Variants in MYH2 observed in about 807,000 individuals in gnomAD.
MYH2 encodes myosin heavy chain 2.
In MYH2, 139 loss-of-function variants were observed where a neutral mutation model predicts 228.1. The ratio of observed to expected loss-of-function variants is 0.61; its 90% CI spans 0.53 to 0.70. The LOEUF is 0.70. Among genes scored for constraint, MYH2 ranks in the 30% least tolerant of loss-of-function variants. MYH2 has a pLI of 0.00. For synonymous variants in MYH2, 796 were observed against 871.1 expected, an observed-to-expected ratio of 0.91 and a Z score of 1.52; for missense variants, 1,809 against 2,357.5, an observed-to-expected ratio of 0.77 and a Z score of 4.82.
In MYH2 at chr17:10,540,039, T is replaced by A; in HGVS notation, c.1036A>T (p.Asn346Tyr). 6.2e-7 allele frequency: 1 copy of A among 1,613,996 alleles called. No individual in the cohort carries two copies. Among genetic ancestry groups the A allele is most frequent in the Non-Finnish European group, 8.5e-7 (1 of 1,179,980 alleles). Residue 346 changes from asparagine (N) to tyrosine (Y), a missense_variant, in exon 12 of 40, where the codon AAT (asparagine) becomes TAT (tyrosine). Asn to Tyr is a moderately radical substitution (Grantham distance 143). This residue lies in a region of MYH2 where 373 missense variants were observed against 620.4 expected (regional missense o/e 0.60). Coordinates refer to ENST00000245503, the MANE Select transcript of MYH2 (RefSeq NM_017534.6). ...DSAIDILGFT[N>Y]EEKVSIYKLT... ...TTGTAAATGGAGACCTTTTCTTCAT[T>A]AGTAAAGCCCAAAATATCAATAGCA...
At chr17:10,543,488 AT>A (rs1432083500) in intron 8 of MYH2, among the ~76,000 whole-genome samples, 1 of 152,214 alleles carries the variant, frequency 6.6e-6, no homozygotes, top group African/African-American at 2.4e-5. Flanking sequence ...AAATTTTAAA[AT>A]TGTGAGTAAG....
chr17:10,536,475 A>G, intron 17 of MYH2, 55 bp downstream of exon 17: 2 of 1,461,520 alleles, frequency 1.4e-6, no homozygotes, highest in African/African-American at 2.8e-5. Context: ...AAACAGACCC[A>G]TGTAAAAAAA....
chr17:10,548,673 C>T (rs1407006531), intron 2 of MYH2, among the ~76,000 whole-genome samples: 1 of 152,174 alleles, frequency 6.6e-6, no homozygotes, highest in East Asian at 1.9e-4. Flanking sequence ...CCAACGTTAA[C>T]CTCATTCTTC....
At chr17:10,532,391 G>A (rs1026356324) in intron 21 of MYH2, among the ~76,000 whole-genome samples, 11 of 151,990 alleles carry the variant, frequency 7.2e-5, no homozygotes, top group Admixed American at 2.6e-4. Flanking sequence ...GAAAATATCT[G>A]GCTTTATATG....
chr17:10,523,706 G>C (rs1407299517), intron 36 of MYH2, 40 bp from the exon 37 acceptor site: 1 of 1,614,224 alleles, frequency 6.2e-7, no homozygotes. Context: ...GAAAGTTATA[G>C]ATGTCAGGAA....
intron 2 of MYH2, 54 bp from the exon 3 acceptor site, chr17:10,547,994 T>C: frequency 7.0e-7 from 1 of 1,422,656 alleles, no homozygotes; most frequent in South Asian, 1.2e-5. Context: ...TGTATACCAA[T>C]AAATCTTAAT....
In MYH2 at chr17:10,537,701, C is replaced by G; in HGVS notation, c.1551G>C (p.Gly517=). The G allele has an allele frequency of 1.2e-6, 2 of 1,614,158 alleles. No homozygotes were observed. The highest frequency in any genetic ancestry group is 1.7e-6 in the Non-Finnish European group (2 of 1,180,018). ...EGIEWTFIDF[G]MDLAACIELI... The stretch of plus-strand genomic sequence containing the variant: ...GCTCGATGCAGGCAGCCAGGTCCAT[C>G]CCGAAGTCGATGAACGTCCACTCGA... Residue 517 remains glycine (G), a synonymous_variant, in exon 15 of 40, where the codon GGG becomes GGC. Coordinates refer to ENST00000245503, the MANE Select transcript of MYH2 (RefSeq NM_017534.6). The surrounding 1 kb of genome is among the most constrained non-coding windows in gnomAD (Gnocchi z 4.0).
rs1325842442 is a variant in MYH2, at chr17:10,524,511, C to T, written c.5130G>A (p.Gln1710=). 1.9e-6 allele frequency: 3 copies of T among 1,614,104 alleles called. No homozygotes were observed. The African/African-American group carries it at 4.0e-5, about 22-fold the overall frequency. Reference sequence around the variant, plus strand: ...CACGCTCACTGGCATCCAGGAGCTCCTGTTCTGCGATTTTTCTGCTCCTCT... The same window carrying T: ...CACGCTCACTGGCATCCAGGAGCTCTTGTTCTGCGATTTTTCTGCTCCTCT... The part of the protein sequence containing the change: ...QTERSRKIAE[Q]ELLDASERVQ... Residue 1710 remains glutamine, a synonymous_variant, in exon 35 of 40, where the codon CAG becomes CAA. Transcript: ENST00000245503. The surrounding 1 kb of genome is among the most constrained non-coding windows in gnomAD (Gnocchi z 4.7).
At chr17:10,547,140 C>T (rs779528369) in intron 4 of MYH2, among the ~76,000 whole-genome samples, 1 of 152,152 alleles carries the variant, frequency 6.6e-6, no homozygotes, top group African/African-American at 2.4e-5. Context: ...TATCTTTTCA[C>T]TCTGGATGAT....
chr17:10,544,244 T>A, intron 5 of MYH2, 117 bp from the exon 6 acceptor site: 2 of 1,314,222 alleles, frequency 1.5e-6, no homozygotes, highest in South Asian at 1.3e-5. Flanking sequence ...CCTTTAGGGC[T>A]TGGCAGGCTT....
chr17:10,535,484 T>C, intron 17 of MYH2, 119 bp from the exon 18 acceptor site: 1 of 837,582 alleles, frequency 1.2e-6, no homozygotes, highest in Non-Finnish European at 2.0e-6. Context: ...ACTGCATTCA[T>C]ATAAGGCAAC....
At chr17:10,539,791 C>T in intron 12 of MYH2, 137 bp downstream of exon 12, 1 of 1,340,848 alleles carries the variant, frequency 7.5e-7, no homozygotes, top group Non-Finnish European at 1.1e-6. Flanking sequence ...TCCCATTGCA[C>T]ATTATTTAGG....
chr17:10,524,781 G>A lies in MYH2; in HGVS notation c.4947C>T (p.Tyr1649=), dbSNP rs3181659. The A allele has an allele frequency of 1.5e-5, 24 of 1,614,042 alleles. No homozygotes were observed. In the East Asian group the frequency reaches 1.6e-4, roughly 10 times the overall value. ...CCTTGAGGATGCCTTGGGTGTTCCT[G>A]TAGTTCCTCAGGGCCTCAGCAGCCA... ...NRMAAEALRN[Y]RNTQGILKDT... The change falls in exon 34 of 40, where the codon TAC becomes TAT. Residue 1649 remains tyrosine, a synonymous_variant. Transcript: ENST00000245503. The surrounding 1 kb of genome is among the most constrained non-coding windows in gnomAD (Gnocchi z 4.7).
rs2073373793 is a variant in MYH2, at chr17:10,527,909, C to A, written c.3745-35G>T. ...AAAAAGTAAAAGAAGAAAACAGAGACCTTTTAAGCGAATAATAATCACCTT... is the reference window on the plus strand; with the variant it reads ...AAAAAGTAAAAGAAGAAAACAGAGAACTTTTAAGCGAATAATAATCACCTT... On this transcript the variant is annotated intron_variant, in intron 27 of 39. Coordinates refer to ENST00000245503, the MANE Select transcript of MYH2 (RefSeq NM_017534.6). The A allele has an allele frequency of 3.1e-6, 5 of 1,606,068 alleles. No homozygotes were observed. The East Asian group carries it at 1.1e-4, about 36-fold the overall frequency.
intron 5 of MYH2, among the ~76,000 whole-genome samples, chr17:10,545,010 C>CGT (rs1479463585): frequency 1.2e-4 from 13 of 108,226 alleles, no homozygotes; most frequent in East Asian, 1.3e-3. Context: ...ATTGTGCGTG[C>CGT]ATGAGTGTGT....
chr17:10,538,150 T>G (rs888108742), intron 14 of MYH2, among the ~76,000 whole-genome samples: 24 of 152,272 alleles, frequency 1.6e-4, no homozygotes, highest in African/African-American at 5.1e-4. Flanking sequence ...CATTATCTTC[T>G]ACATTTTCCA....
chr17:10,525,986 A>C lies in MYH2; in HGVS notation c.4188-110T>G. ...AACTTCACATTAATGCTGCCCAGCCACCTTTCATTCTTTCAACAAATATTG... is the reference window on the plus strand; with the variant it reads ...AACTTCACATTAATGCTGCCCAGCCCCCTTTCATTCTTTCAACAAATATTG... On this transcript the variant is annotated intron_variant, in intron 30 of 39. Transcript: ENST00000245503. The surrounding 1 kb of genome is among the most constrained non-coding windows in gnomAD (Gnocchi z 4.2). 1 of 1,245,384 alleles carries C rather than the reference A, an allele frequency of 8.0e-7. No homozygotes were observed. Among genetic ancestry groups the C allele is most frequent in the South Asian group, 1.3e-5 (1 of 75,004 alleles). 77.1% of individuals were successfully genotyped at this position (1,245,384 alleles called of 1,614,324 possible). A position where few individuals can be genotyped will look rare whatever the true frequency, so the allele number is the denominator to read the frequency against.
At chr17:10,544,733 G>C (rs1180449544) in intron 5 of MYH2, among the ~76,000 whole-genome samples, 1 of 152,136 alleles carries the variant, frequency 6.6e-6, no homozygotes, top group Non-Finnish European at 1.5e-5. Context: ...CCCTTCTCAA[G>C]GTGCCACAAG....
Position 10,524,879 on chromosome 17 carries a change from C to T in MYH2, c.4849G>A (p.Ala1617Thr), listed in dbSNP as rs778916706. The change falls in exon 34 of 40, where the codon GCC (alanine) becomes ACC (threonine). Residue 1617 changes from alanine to threonine, a missense_variant. By Grantham distance (58) the Ala-to-Thr change is moderately conservative (BLOSUM62 0). This residue lies in a region of MYH2 where 75 missense variants were observed against 131.2 expected (regional missense o/e 0.57). Coordinates refer to ENST00000245503, the MANE Select transcript of MYH2 (RefSeq NM_017534.6). This position sits in a 1 kb window ranked among gnomAD's most constrained non-coding sequence, Gnocchi z 4.7. ...LDAEIRSRND[A>T]IRLKKKMEGD... ...TCCATCTTCTTCTTGAGCCTAATGGCATCATTCCTACTCCTGATCTCAGCA... is the reference window on the plus strand; with the variant it reads ...TCCATCTTCTTCTTGAGCCTAATGGTATCATTCCTACTCCTGATCTCAGCA... 1.9e-6 allele frequency: 3 copies of T among 1,614,084 alleles called. No individual in the cohort carries two copies. The highest frequency in any genetic ancestry group is 1.7e-6 in the Non-Finnish European group (2 of 1,180,028).
Sources: gnomAD v4.1 joint callset for allele counts (sites outside exome capture counted in the v4.1 genomes callset) on GRCh38, gnomAD v4.1.1 for gene constraint, gnomAD v4.1.1 regional missense constraint, Gnocchi (gnomAD v3.1) non-coding constraint, MANE v1.5 for transcripts, NCBI Gene and HGNC (gene_info 2026-07-23, HGNC 2026-07-21) for gene names.